The following GALNTL6 variants were observed in gnomAD, a reference collection of about 807,000 sequenced individuals.
The protein encoded by GALNTL6 is polypeptide N-acetylgalactosaminyltransferase-like 6.
GALNTL6 carries 46 observed loss-of-function variants against 73.7 expected under a neutral mutation model. That is an observed-to-expected ratio of 0.62 (90% CI 0.49 to 0.80). GALNTL6 has a LOEUF of 0.80. Ranked by LOEUF, GALNTL6 falls within the 30% of genes least tolerant of loss-of-function variation. The pLI is 0.00. For missense variants in GALNTL6, 604 were observed against 755.0 expected (o/e 0.80, Z 2.34); for synonymous variants, 259 against 263.7 (o/e 0.98, Z 0.17).
chr4:172,413,761 G>A (rs1321642718), intron 5 of GALNTL6, among the ~76,000 whole-genome samples: 1 of 151,080 alleles, frequency 6.6e-6, no homozygotes, highest in Non-Finnish European at 1.5e-5. Context: ...TTTCCAAAGT[G>A]CTCAATAAAT....
At chr4:172,832,710 C>T (rs1415923626) in intron 7 of GALNTL6, among the ~76,000 whole-genome samples, 2 of 152,168 alleles carry the variant, frequency 1.3e-5, no homozygotes, top group African/African-American at 4.8e-5. Flanking sequence ...CAGCCCAGTG[C>T]CAGAAAGGCC....
chr4:172,724,492 T>C (rs1735678067), intron 5 of GALNTL6, among the ~76,000 whole-genome samples: 1 of 152,176 alleles, frequency 6.6e-6, no homozygotes, highest in Non-Finnish European at 1.5e-5. Flanking sequence ...AATCAATTAG[T>C]TGGGCTCTCT....
chr4:172,857,034 C>T (rs1051035145), intron 7 of GALNTL6, among the ~76,000 whole-genome samples: 1 of 152,184 alleles, frequency 6.6e-6, no homozygotes, highest in African/African-American at 2.4e-5. Context: ...TGTTTCACAA[C>T]CTAATTACAG....
intron 2 of GALNTL6, among the ~76,000 whole-genome samples, chr4:171,973,530 A>G (rs916928228): frequency 2.6e-5 from 4 of 152,026 alleles, no homozygotes; most frequent in African/African-American, 9.7e-5. Context: ...TCTGTGTCCA[A>G]ATTTTTCTCT....
chr4:172,038,452 A>G (rs1487339071), intron 2 of GALNTL6, among the ~76,000 whole-genome samples: 1 of 152,156 alleles, frequency 6.6e-6, no homozygotes, highest in African/African-American at 2.4e-5. Context: ...CTCAGTTCTG[A>G]TATATGTAAA....
At chr4:171,970,773 T>C (rs567548568) in intron 2 of GALNTL6, among the ~76,000 whole-genome samples, 2 of 152,316 alleles carry the variant, frequency 1.3e-5, no homozygotes, top group South Asian at 2.1e-4. Flanking sequence ...TGCAAAAATA[T>C]AACCATTGGC....
intron 8 of GALNTL6, among the ~76,000 whole-genome samples, chr4:172,894,109 T>C (rs1425553895): frequency 6.6e-6 from 1 of 152,222 alleles, no homozygotes; most frequent in East Asian, 1.9e-4. Context: ...ACTCAATATT[T>C]TGTTTCCTCT....
At chr4:172,380,223 C>A in intron 5 of GALNTL6, 1 of 955,240 alleles carries the variant, frequency 1.0e-6, no homozygotes, top group Non-Finnish European at 1.7e-6. Context: ...TTCAAAATAT[C>A]TTAACGTATT....
At chr4:172,420,179 C>T (rs1731001556) in intron 5 of GALNTL6, among the ~76,000 whole-genome samples, 1 of 152,118 alleles carries the variant, frequency 6.6e-6, no homozygotes, top group African/African-American at 2.4e-5. Flanking sequence ...ACAGTCTAGG[C>T]TCATTGTCAT....
intron 2 of GALNTL6, among the ~76,000 whole-genome samples, chr4:171,926,221 C>A (rs950353241): frequency 1.3e-5 from 2 of 152,034 alleles, no homozygotes; most frequent in African/African-American, 4.8e-5. Flanking sequence ...ATACTTATTT[C>A]ATCAGTTATC....
chr4:172,230,905 T>C (rs955573597), intron 3 of GALNTL6, among the ~76,000 whole-genome samples: 35 of 152,168 alleles, frequency 2.3e-4, no homozygotes, highest in African/African-American at 8.2e-4. Context: ...AACAAAATTG[T>C]TCTGGGCTGT....
intron 2 of GALNTL6, among the ~76,000 whole-genome samples, chr4:171,859,464 G>T (rs1735774385): frequency 2.0e-5 from 3 of 152,010 alleles, no homozygotes; most frequent in Admixed American, 2.0e-4. Flanking sequence ...GGAGCATGGT[G>T]TGTGTGGACT....
At position 173,014,046 on chromosome 4, in the gene GALNTL6, C is replaced by CAAA. The variant is rs11388681; in HGVS notation, c.1488+4760_1488+4762dup. Among the ~76,000 whole-genome samples the CAAA allele has an allele frequency of 1.5e-4, 22 of 144,324 alleles. 1 individual carries two copies. Among genetic ancestry groups the CAAA allele is most frequent in the Non-Finnish European group, 2.1e-4 (14 of 65,826 alleles). 94.7% of individuals were successfully genotyped at this position (144,324 alleles called of 152,430 possible). A position where few individuals can be genotyped will look rare whatever the true frequency, so the allele number is the denominator to read the frequency against. On this transcript the variant is annotated intron_variant, in intron 11 of 12. Transcript: ENST00000506823. ...AGAGTTGAAATAATCCGTTTTTTTC[C>CAAA]AAAAAAAAAAGTGGCAAAAATTAAA... is the stretch of plus-strand genomic sequence containing the variant.
chr4:172,480,295 A>C (rs1340032831), intron 5 of GALNTL6, among the ~76,000 whole-genome samples: 2 of 152,050 alleles, frequency 1.3e-5, no homozygotes, highest in African/African-American at 4.8e-5. Flanking sequence ...CCTAGGCAAC[A>C]GGGCGAGGCC....
intron 2 of GALNTL6, among the ~76,000 whole-genome samples, chr4:172,035,918 A>G (rs1741917083): frequency 6.6e-6 from 1 of 152,132 alleles, no homozygotes. Context: ...CTTGAAATGT[A>G]TTATTTGCAT....
At chr4:172,398,620 A>G (rs2111318940) in intron 5 of GALNTL6, among the ~76,000 whole-genome samples, 1 of 152,326 alleles carries the variant, frequency 6.6e-6, no homozygotes, top group South Asian at 2.1e-4. Context: ...TATTGCAGTA[A>G]GATAACCTGT....
At chr4:171,884,855 A>G (rs1327142380) in intron 2 of GALNTL6, among the ~76,000 whole-genome samples, 2 of 152,070 alleles carry the variant, frequency 1.3e-5, no homozygotes, top group African/African-American at 4.8e-5. Flanking sequence ...CAGGAGTTCA[A>G]GACCAGCCTG....
chr4:172,003,856 A>G (rs908913124), intron 2 of GALNTL6, among the ~76,000 whole-genome samples: 2 of 152,126 alleles, frequency 1.3e-5, no homozygotes, highest in Non-Finnish European at 2.9e-5. Context: ...TGTCAGAAGT[A>G]CCTGTATCAA....
intron 4 of GALNTL6, among the ~76,000 whole-genome samples, chr4:172,335,988 C>T (rs759873674): frequency 6.6e-6 from 1 of 151,956 alleles, no homozygotes; most frequent in Admixed American, 6.6e-5. Context: ...ACTTGCTTCA[C>T]GGTTATTTTG....
Sources: gnomAD v4.1 joint callset for allele counts (sites outside exome capture counted in the v4.1 genomes callset) on GRCh38, gnomAD v4.1.1 for gene constraint, MANE v1.5 for transcripts, NCBI Gene and HGNC (gene_info 2026-07-23, HGNC 2026-07-21) for gene names.